CEP126: variants seen among roughly 807,000 people sequenced by gnomAD.
CEP126 encodes centrosomal protein 126.
A neutral mutation model predicts 107.8 loss-of-function variants in CEP126; 74 were observed. The observed-to-expected ratio is 0.69, with a 90% CI of 0.57 to 0.83. The LOEUF is 0.83. Among genes scored for constraint, CEP126 ranks in the 40% least tolerant of loss-of-function variants. The pLI, the probability that CEP126 is intolerant of heterozygous loss-of-function variation, is 0.00. For missense variants in CEP126, 1,237 were observed against 1,281.9 expected, an observed-to-expected ratio of 0.96 and a Z score of 0.53; for synonymous variants, 449 against 446.0, an observed-to-expected ratio of 1.01 and a Z score of -0.08.
Position 101,922,642 on chromosome 11 carries a change from GAT to G in CEP126, c.133_134del (p.Met45GlufsTer28). On this transcript the variant is annotated frameshift_variant and splice_region_variant, in exon 2 of 11. Coordinates refer to ENST00000263468, the MANE Select transcript of CEP126 (RefSeq NM_020802.4). LOFTEE classifies it high-confidence loss of function. ...TTCTTAACTTAATGCTATCATTAGAGATATGAAAATCCATCTGGAGAAAAATT... is the reference window on the plus strand; with the variant it reads ...TTCTTAACTTAATGCTATCATTAGAGATGAAAATCCATCTGGAGAAAAATT... ...GGHHRPGSYL[D>X]MKIHLEKNLE... 1.2e-6 allele frequency: 2 copies of G among 1,601,838 alleles called. No homozygotes were observed. Among genetic ancestry groups the G allele is most frequent in the Non-Finnish European group, 1.7e-6 (2 of 1,169,448 alleles).
rs1057330982 is a variant in CEP126 at position 101,963,606 on chromosome 11, T to C, written c.2571T>C (p.Ser857=). The change falls in exon 6 of 11, where the codon AGT becomes AGC. Residue 857 remains serine (S), a synonymous_variant. Coordinates refer to ENST00000263468, the MANE Select transcript of CEP126 (RefSeq NM_020802.4). The part of the protein sequence containing the change: ...EHSLNQWNQE[S]SSPLSNACSD... ...GTTTGAATCAGTGGAATCAGGAAAG[T>C]AGTTCTCCACTCTCAAATGCTTGTT... The C allele has an allele frequency of 1.9e-6, 3 of 1,614,154 alleles. No homozygotes were observed. The highest frequency in any genetic ancestry group is 1.7e-5 in the Admixed American group (1 of 60,022).
intron 2 of CEP126, among the ~76,000 whole-genome samples, chr11:101,928,802 T>C (rs527974420): frequency 1.3e-5 from 2 of 152,354 alleles, no homozygotes; most frequent in South Asian, 4.1e-4. Context: ...ATAATAAGTC[T>C]TCAAATCATG....
chr11:101,950,086 T>C (rs1940790181), intron 4 of CEP126, among the ~76,000 whole-genome samples: 1 of 152,174 alleles, frequency 6.6e-6, no homozygotes, highest in African/African-American at 2.4e-5. Flanking sequence ...AGAAATGTGG[T>C]AATGAATCTG....
intron 6 of CEP126, among the ~76,000 whole-genome samples, chr11:101,975,266 A>AT (rs1197193931): frequency 2.6e-5 from 4 of 152,208 alleles, no homozygotes; most frequent in Non-Finnish European, 4.4e-5. Flanking sequence ...GGTAACCAGT[A>AT]TTTTTTAAAT....
intron 6 of CEP126, among the ~76,000 whole-genome samples, chr11:101,972,295 G>A (rs1388761467): frequency 6.6e-6 from 1 of 151,710 alleles, no homozygotes; most frequent in Non-Finnish European, 1.5e-5. Context: ...GCGTGGTAGA[G>A]GGCGCCTGTA....
chr11:101,963,792 G>T lies in CEP126; in HGVS notation c.2757G>T (p.Pro919=). ...GTCCTGTTTGTGAAGAAAGTTATCC[G>T]TCTGTGACTCTAAGAACTGCTGAAG... ...QRSPVCEESY[P]SVTLRTAEEE... is the part of the protein sequence containing the mutation. Residue 919 remains proline (P), a synonymous_variant, in exon 6 of 11, where the codon CCG becomes CCT. Transcript: ENST00000263468. 6.2e-7 allele frequency: 1 copy of T among 1,614,074 alleles called. No individual in the cohort carries two copies. Among genetic ancestry groups the T allele is most frequent in the Non-Finnish European group, 8.5e-7 (1 of 1,179,980 alleles).
intron 2 of CEP126, among the ~76,000 whole-genome samples, chr11:101,932,416 A>C (rs1228993522): frequency 6.6e-6 from 1 of 152,176 alleles, no homozygotes; most frequent in Non-Finnish European, 1.5e-5. Flanking sequence ...TATACATTTT[A>C]GCCCAGAAAA....
intron 9 of CEP126, among the ~76,000 whole-genome samples, chr11:101,988,433 A>T (rs567779537): frequency 1.3e-5 from 2 of 152,310 alleles, no homozygotes; most frequent in African/African-American, 4.8e-5. Flanking sequence ...GTAAATAAAA[A>T]GGTCTGAAAG....
At chr11:101,972,063 A>C (rs1056527109) in intron 6 of CEP126, among the ~76,000 whole-genome samples, 1 of 151,624 alleles carries the variant, frequency 6.6e-6, no homozygotes, top group African/African-American at 2.4e-5. Context: ...AGCCAAGAAC[A>C]TGCCACTGCA....
rs1043113143 is a variant in CEP126, at chr11:102,000,394, A to C, written c.*2751A>C. The C allele has an allele frequency of 3.3e-5, 5 of 152,116 alleles. No homozygotes were observed. The highest frequency in any genetic ancestry group is 5.9e-5 in the Non-Finnish European group (4 of 68,020). 9.4% of individuals were successfully genotyped at this position (152,116 alleles called of 1,614,324 possible). On this transcript the variant is annotated 3_prime_UTR_variant, in exon 11 of 11. Coordinates refer to ENST00000263468, the MANE Select transcript of CEP126 (RefSeq NM_020802.4). ...TATGAAACTTCTTATAAGAGAGAGT[A>C]ATCTCAGGCCGGACATGCTGGCTCA...
rs759209851 is a variant in CEP126, at chr11:101,963,915, T to C, written c.2845+35T>C. On this transcript the variant is annotated intron_variant, in intron 6 of 10. Coordinates refer to ENST00000263468, the MANE Select transcript of CEP126 (RefSeq NM_020802.4). ...AATTTATAGCTTTTTATAGATAAAATGTACACCTTTGTTAAAGTCATGTGA... is the reference window on the plus strand; with the variant it reads ...AATTTATAGCTTTTTATAGATAAAACGTACACCTTTGTTAAAGTCATGTGA... 129 of 1,350,086 alleles carry C rather than the reference T, an allele frequency of 9.6e-5. 1 individual carries two copies. The South Asian group carries it at 1.6e-3, about 17-fold the overall frequency. The allele number at this position is 1,350,086 out of a possible 1,614,324, so 83.6% of individuals were successfully genotyped here.
At position 101,986,817 on chromosome 11, in the gene CEP126, TG is replaced by T. The variant is rs773877291; in HGVS notation, c.3035-14del. On this transcript the variant is annotated splice_polypyrimidine_tract_variant and intron_variant, in intron 8 of 10. Transcript: ENST00000263468. Reference sequence around the variant, plus strand: ...CAAAAGGGGTTCAAAGAATAACTGATGTAAGTTTCTGTAGTTTCAGATAGTA... The same window carrying T: ...CAAAAGGGGTTCAAAGAATAACTGATTAAGTTTCTGTAGTTTCAGATAGTA... The T allele has an allele frequency of 1.9e-6, 3 of 1,604,232 alleles. No individual in the cohort carries two copies. The African/African-American group carries it at 4.0e-5, about 21-fold the overall frequency.
At chr11:101,969,151 G>T (rs746169997) in intron 6 of CEP126, among the ~76,000 whole-genome samples, 1 of 152,044 alleles carries the variant, frequency 6.6e-6, no homozygotes. Flanking sequence ...CCCACAAGCA[G>T]CTGGGACTAC....
rs547213287 is a variant in CEP126, at chr11:101,945,257, T to C, written c.394+847T>C. Among the ~76,000 whole-genome samples the C allele has an allele frequency of 1.4e-4, 21 of 152,146 alleles. No individual in the cohort carries two copies. In the East Asian group the frequency reaches 2.3e-3, roughly 17 times the overall value. The stretch of plus-strand genomic sequence containing the variant: ...AGTCGGATCTTAACAAATGAGCATA[T>C]TGCAAAGCAAACAGAAAATAAAAGG... On this transcript the variant is annotated intron_variant, in intron 3 of 10. Coordinates refer to ENST00000263468, the MANE Select transcript of CEP126 (RefSeq NM_020802.4).
chr11:101,944,922 A>G (rs961968780), intron 3 of CEP126, among the ~76,000 whole-genome samples: 18 of 152,180 alleles, frequency 1.2e-4, no homozygotes, highest in Non-Finnish European at 2.5e-4. Context: ...TTAAATAGTA[A>G]GACAATTAAC....
At position 101,963,765 on chromosome 11, in the gene CEP126, A is replaced by G. The variant is rs1288759962; in HGVS notation, c.2730A>G (p.Arg910=). The change falls in exon 6 of 11, where the codon AGA becomes AGG. Residue 910 remains arginine (R), a synonymous_variant. Transcript: ENST00000263468. ...ATGCGACATTATATTGCACCCAAAGAAGTCCTGTTTGTGAAGAAAGTTATC... is the reference window on the plus strand; with the variant it reads ...ATGCGACATTATATTGCACCCAAAGGAGTCCTGTTTGTGAAGAAAGTTATC... ...RQDATLYCTQ[R]SPVCEESYPS... is the part of the protein sequence containing the mutation. The G allele has an allele frequency of 1.2e-6, 2 of 1,614,104 alleles. No homozygotes were observed. Among genetic ancestry groups the G allele is most frequent in the South Asian group, 2.2e-5 (2 of 91,080 alleles).
In CEP126 at chr11:101,999,198, A is replaced by G. The variant is rs1483352004; in HGVS notation, c.*1555A>G. Reference sequence around the variant, plus strand: ...TCAAGAAAAAATTCTGTGAATTAAGATGTAATTTATAAAATAACATTTCAA... The same window carrying G: ...TCAAGAAAAAATTCTGTGAATTAAGGTGTAATTTATAAAATAACATTTCAA... On this transcript the variant is annotated 3_prime_UTR_variant, in exon 11 of 11. Coordinates refer to ENST00000263468, the MANE Select transcript of CEP126 (RefSeq NM_020802.4). 1.3e-5 allele frequency: 2 copies of G among 152,128 alleles called. No homozygotes were observed. The highest frequency in any genetic ancestry group is 2.4e-5 in the African/African-American group (1 of 41,438). The allele number at this position is 152,128 out of a possible 1,614,324, so 9.4% of individuals were successfully genotyped here.
intron 5 of CEP126, among the ~76,000 whole-genome samples, chr11:101,958,580 T>C (rs888878642): frequency 2.3e-4 from 35 of 152,174 alleles, no homozygotes; most frequent in Admixed American, 2.2e-3. Context: ...TGTATTATTG[T>C]TAGAGATTGT....
At chr11:101,993,609 A>G (rs1449211746) in intron 10 of CEP126, among the ~76,000 whole-genome samples, 1 of 152,132 alleles carries the variant, frequency 6.6e-6, no homozygotes, top group Non-Finnish European at 1.5e-5. Context: ...TTCTGTTTTA[A>G]GTTCTTTAAG....
Sources: gnomAD v4.1 joint callset for allele counts (sites outside exome capture counted in the v4.1 genomes callset) on GRCh38, gnomAD v4.1.1 for gene constraint, MANE v1.5 for transcripts, NCBI Gene and HGNC (gene_info 2026-07-23, HGNC 2026-07-21) for gene names.